Variants in CUL7 observed in about 807,000 individuals in gnomAD.
CUL7 encodes the protein cullin-7.
CUL7 carries 96 observed loss-of-function variants against 177.7 expected under a neutral mutation model. That is an observed-to-expected ratio of 0.54 (90% CI 0.46 to 0.64). The LOEUF is 0.64. Ranked by LOEUF, CUL7 falls within the 30% of genes least tolerant of loss-of-function variation. The pLI, the probability that CUL7 is intolerant of heterozygous loss-of-function variation, is 0.00. For missense variants in CUL7, 1,893 were observed against 2,187.9 expected, an observed-to-expected ratio of 0.87 and a Z score of 2.69; for synonymous variants, 824 against 890.2, an observed-to-expected ratio of 0.93 and a Z score of 1.32.
chr6:43,048,674 T>C, intron 7 of CUL7, 105 bp from the exon 8 acceptor site: 1 of 860,106 alleles, frequency 1.2e-6, no homozygotes, highest in East Asian at 2.7e-5. Context: ...TCCTAAAAAA[T>C]GTTTTAAATT....
intron 9 of CUL7, 98 bp downstream of exon 9, chr6:43,048,050 T>C: frequency 6.8e-6 from 5 of 739,106 alleles, no homozygotes; most frequent in Non-Finnish European, 1.2e-5. Flanking sequence ...GCTCAAAGGC[T>C]CTATCACGCC....
chr6:43,042,343 T>TTG (rs1763508628), intron 19 of CUL7, among the ~76,000 whole-genome samples: 1 of 152,138 alleles, frequency 6.6e-6, no homozygotes, highest in Non-Finnish European at 1.5e-5. Flanking sequence ...TTTTGTTTTT[T>TTG]TCTTTTTTTT....
chr6:43,052,864 C>G lies in CUL7; in HGVS notation c.-8-68G>C. On this transcript the variant is annotated intron_variant, in intron 1 of 25. Coordinates refer to ENST00000265348, the MANE Select transcript of CUL7 (RefSeq NM_014780.5). This position sits in a 1 kb window ranked among gnomAD's most constrained non-coding sequence, Gnocchi z 4.5. ...GAGAGGTCAGAAAATCAAAGATATC[C>G]AGGAGGTGGGGAAGCAAATGGCAAC... is the stretch of plus-strand genomic sequence containing the variant. 6.6e-7 allele frequency: 1 copy of G among 1,515,840 alleles called. No individual in the cohort carries two copies. The highest frequency in any genetic ancestry group is 8.9e-7 in the Non-Finnish European group (1 of 1,124,036). 93.9% of individuals were successfully genotyped at this position (1,515,840 alleles called of 1,614,324 possible).
chr6:43,040,208 C>G lies in CUL7; in HGVS notation c.4242G>C (p.Leu1414=). 2 of 1,614,192 alleles carry G rather than the reference C, an allele frequency of 1.2e-6. No individual in the cohort carries two copies. Among genetic ancestry groups the G allele is most frequent in the Non-Finnish European group, 1.7e-6 (2 of 1,180,040 alleles). The part of the protein sequence containing the change: ...ICHTLNPRTC[L]PSYLRGTLNR... ...TCAAAGTGCCCCTCAGGTAGGAGGG[C>G]AGGCAGGTTCTGGGGTTCAGTGTGT... The change falls in exon 22 of 26, where the codon CTG becomes CTC. Residue 1414 remains leucine, a synonymous_variant. Transcript: ENST00000265348. The surrounding 1 kb of genome is among the most constrained non-coding windows in gnomAD (Gnocchi z 4.2).
chr6:43,052,517 G>T lies in CUL7; in HGVS notation c.272C>A (p.Pro91His). 1 of 1,614,202 alleles carries T rather than the reference G, an allele frequency of 6.2e-7. No homozygotes were observed. Among genetic ancestry groups the T allele is most frequent in the African/African-American group, 1.3e-5 (1 of 75,060 alleles). ...AACCTCCCCTGCAGACTCCTGGGAG[G>T]GCCCGATGACCTGGCCATCCTCGCC... is the stretch of plus-strand genomic sequence containing the variant. The part of the protein sequence containing the change: ...MLGEDGQVIG[P>H]SQESAGEVGA... Residue 91 changes from proline (P) to histidine (H), a missense_variant, in exon 2 of 26, where the codon CCC (proline) becomes CAC (histidine). By Grantham distance (77) the Pro-to-His change is moderately conservative. Around this residue, in one of 5 missense-constraint regions of CUL7, gnomAD observed 653 missense variants for 725.2 expected, o/e 0.90. Coordinates refer to ENST00000265348, the MANE Select transcript of CUL7 (RefSeq NM_014780.5). This position sits in a 1 kb window ranked among gnomAD's most constrained non-coding sequence, Gnocchi z 4.5.
chr6:43,053,593 G>T lies in CUL7; in HGVS notation c.-9+29C>A. 1 of 1,325,060 alleles carries T rather than the reference G, an allele frequency of 7.5e-7. No homozygotes were observed. Among genetic ancestry groups the T allele is most frequent in the Non-Finnish European group, 9.7e-7 (1 of 1,032,078 alleles). The allele number at this position is 1,325,060 out of a possible 1,614,324, so 82.1% of individuals were successfully genotyped here. On this transcript the variant is annotated intron_variant, in intron 1 of 25. Coordinates refer to ENST00000265348, the MANE Select transcript of CUL7 (RefSeq NM_014780.5). The surrounding 1 kb of genome is among the most constrained non-coding windows in gnomAD (Gnocchi z 4.1). ...TGGGCTAGTGGGCAGGGAAGGAGAA[G>T]CAAGGGGCCGCGGTGGGGCTCTGGC...
Position 43,040,268 on chromosome 6 carries a change from C to G in CUL7, c.4182G>C (p.Leu1394=), listed in dbSNP as rs781412558. Residue 1394 remains leucine, a synonymous_variant, in exon 22 of 26, where the codon CTG becomes CTC. Transcript: ENST00000265348. The surrounding 1 kb of genome is among the most constrained non-coding windows in gnomAD (Gnocchi z 4.2). The part of the protein sequence containing the change: ...GAMPEVSVLV[L]SRHSWPVASI... ...AGGCAACAGGCCAGGAGTGTCGGGA[C>G]AGGACAAGCACAGACACTTCTGGCA... 4.3e-6 allele frequency: 7 copies of G among 1,614,174 alleles called. No individual in the cohort carries two copies. The South Asian group carries it at 5.5e-5, about 13-fold the overall frequency.
rs1225237436 is a variant in CUL7, at chr6:43,045,545, G to A, written c.2862+42C>T. 6.2e-7 allele frequency: 1 copy of A among 1,613,586 alleles called. No homozygotes were observed. Among genetic ancestry groups the A allele is most frequent in the Non-Finnish European group, 8.5e-7 (1 of 1,179,664 alleles). ...AAGATCTGCCTGTTTATGGGGCTCA[G>A]AGCCCCCTACCCAGGGCCACACCCC... On this transcript the variant is annotated intron_variant, in intron 14 of 25. Transcript: ENST00000265348. This position sits in a 1 kb window ranked among gnomAD's most constrained non-coding sequence, Gnocchi z 4.8.
chr6:43,053,763 C>T lies in CUL7; in HGVS notation c.-150G>A, dbSNP rs1764675367. 7.3e-6 allele frequency: 11 copies of T among 1,509,154 alleles called. No homozygotes were observed. The highest frequency in any genetic ancestry group is 4.4e-4 in the Middle Eastern group (2 of 4,524). The allele number at this position is 1,509,154 out of a possible 1,614,324, so 93.5% of individuals were successfully genotyped here. A position where few individuals can be genotyped will look rare whatever the true frequency, so the allele number is the denominator to read the frequency against. On this transcript the variant is annotated 5_prime_UTR_variant, in exon 1 of 26. Coordinates refer to ENST00000265348, the MANE Select transcript of CUL7 (RefSeq NM_014780.5). The surrounding 1 kb of genome is among the most constrained non-coding windows in gnomAD (Gnocchi z 4.1). ...AGAGACGGGAGGGGGCGTGCCTCCG[C>T]GGAACAGAGCTGCACCCGCGTGAGT...
In CUL7 at chr6:43,052,445, T is replaced by A. The variant is rs765083286; in HGVS notation, c.344A>T (p.Lys115Met). Reference protein sequence around the residue: ...SVLEEMETDVKSLIQRALRQL... With the variant: ...SVLEEMETDVMSLIQRALRQL... ...CCGAAGGGCTCTCTGAATGAGGGACTTCACGTCGGTTTCCATCTCCTCCAG... is the reference window on the plus strand; with the variant it reads ...CCGAAGGGCTCTCTGAATGAGGGACATCACGTCGGTTTCCATCTCCTCCAG... Residue 115 changes from lysine to methionine, a missense_variant, in exon 2 of 26, where the codon AAG (lysine) becomes ATG (methionine). Coordinates refer to ENST00000265348, the MANE Select transcript of CUL7 (RefSeq NM_014780.5). This position sits in a 1 kb window ranked among gnomAD's most constrained non-coding sequence, Gnocchi z 4.5. 1 of 1,614,100 alleles carries A rather than the reference T, an allele frequency of 6.2e-7. No individual in the cohort carries two copies.
At chr6:43,038,763 C>T in intron 23 of CUL7, 71 bp from the exon 24 acceptor site, 1 of 1,612,528 alleles carries the variant, frequency 6.2e-7, no homozygotes, top group South Asian at 1.1e-5. Flanking sequence ...AGGGAAGAAG[C>T]AGAGGGAGTC....
chr6:43,048,923 G>A (rs1314072156), intron 7 of CUL7, among the ~76,000 whole-genome samples: 2 of 151,574 alleles, frequency 1.3e-5, no homozygotes, highest in African/African-American at 4.8e-5. Flanking sequence ...CCACCACCAC[G>A]CCCGGCTAAT....
In CUL7 at chr6:43,051,339, C is replaced by A. The variant is rs764912055; in HGVS notation, c.862G>T (p.Glu288Ter). ...NTSAPEELSG[E>*]RGQLELEFSM... ...AACTCCAGCTCCAGTTGACCCCTCT[C>A]CCCACTCAACTCCTCAGGAGCAGAG... Residue 288 changes from glutamate (E) to a stop codon, truncating the protein, a stop_gained, in exon 4 of 26, where the codon GAG becomes TAG. Transcript: ENST00000265348. LOFTEE classifies it high-confidence loss of function. The surrounding 1 kb of genome is among the most constrained non-coding windows in gnomAD (Gnocchi z 5.0). 2 of 1,611,890 alleles carry A rather than the reference C, an allele frequency of 1.2e-6. No homozygotes were observed. The highest frequency in any genetic ancestry group is 1.7e-6 in the Non-Finnish European group (2 of 1,178,396).
rs1228870264 is a variant in CUL7, at chr6:43,047,046, A to T, written c.2231T>A (p.Val744Glu). The change falls in exon 10 of 26, where the codon GTG (valine) becomes GAG (glutamate). Residue 744 changes from valine to glutamate, a missense_variant. Val to Glu is a moderately radical substitution (Grantham distance 121). This residue lies in a region of CUL7 where 973 missense variants were observed against 1,140.9 expected (regional missense o/e 0.85). Transcript: ENST00000265348. ...RLTSVSRDYA[V>E]VLNQLGARDA... ...TCTTGCTCCCAGCTGATTCAGCACC[A>T]CGGCATAGTCCCTGCTCACTGAGGT... 6.2e-7 allele frequency: 1 copy of T among 1,613,594 alleles called. No individual in the cohort carries two copies. The highest frequency in any genetic ancestry group is 1.7e-5 in the Admixed American group (1 of 59,988).
chr6:43,048,476 T>A lies in CUL7; in HGVS notation c.1919A>T (p.Gln640Leu), dbSNP rs201586496. 1 of 1,614,094 alleles carries A rather than the reference T, an allele frequency of 6.2e-7. No homozygotes were observed. The highest frequency in any genetic ancestry group is 2.2e-5 in the East Asian group (1 of 44,872). The part of the protein sequence containing the change: ...PAGKILLDLE[Q>L]ALSSEGTQEN... ...CTGGGTCCCCTCTGAGCTGAGGGCT[T>A]GCTCTAGATCCAGGAGGATTTTCCC... is the stretch of plus-strand genomic sequence containing the variant. Residue 640 changes from glutamine (Q) to leucine (L), a missense_variant, in exon 8 of 26, where the codon CAA (glutamine) becomes CTA (leucine). Physicochemically the swap from Gln to Leu is moderately radical, Grantham distance 113. Around this residue, in one of 5 missense-constraint regions of CUL7, gnomAD observed 973 missense variants for 1,140.9 expected, o/e 0.85. Transcript: ENST00000265348.
intron 19 of CUL7, among the ~76,000 whole-genome samples, chr6:43,041,650 G>A (rs2150312384): frequency 6.7e-6 from 1 of 149,318 alleles, no homozygotes; most frequent in South Asian, 2.2e-4. Flanking sequence ...AAAGAAAGGA[G>A]AGGAAAAGAG....
In CUL7 at chr6:43,038,729, C is replaced by T. The variant is rs892011394; in HGVS notation, c.4441-37G>A. 5.6e-6 allele frequency: 9 copies of T among 1,613,310 alleles called. No individual in the cohort carries two copies. The African/African-American group carries it at 1.1e-4, about 19-fold the overall frequency. The stretch of plus-strand genomic sequence containing the variant: ...AGATGGGAGACATTCAGGGCCTCCC[C>T]AAGGAGTGGAGAGAAGAGGATGGAG... On this transcript the variant is annotated intron_variant, in intron 23 of 25. Transcript: ENST00000265348.
In CUL7 at chr6:43,051,402, G is replaced by C. The variant is rs962525867; in HGVS notation, c.799C>G (p.Leu267Val). Reference protein sequence around the residue: ...YLHVTSLLDQLNDSAAEPGAQ... With the variant: ...YLHVTSLLDQVNDSAAEPGAQ... ...CCTGGCTCCGCAGCACTGTCGTTCAGCTGATCCAGGAGCGAGGTGACATGC... is the reference window on the plus strand; with the variant it reads ...CCTGGCTCCGCAGCACTGTCGTTCACCTGATCCAGGAGCGAGGTGACATGC... The change falls in exon 4 of 26, where the codon CTG becomes GTG. Residue 267 changes from leucine (L) to valine (V), a missense_variant. Physicochemically the swap from Leu to Val is conservative, Grantham distance 32 (BLOSUM62 1). This residue lies in a region of CUL7 where 653 missense variants were observed against 725.2 expected (regional missense o/e 0.90). Coordinates refer to ENST00000265348, the MANE Select transcript of CUL7 (RefSeq NM_014780.5). The surrounding 1 kb of genome is among the most constrained non-coding windows in gnomAD (Gnocchi z 5.0). 2.5e-6 allele frequency: 4 copies of C among 1,614,130 alleles called. No individual in the cohort carries two copies. The highest frequency in any genetic ancestry group is 3.4e-6 in the Non-Finnish European group (4 of 1,180,028).
rs1764399924 is a variant in CUL7, at chr6:43,051,419, G to T, written c.782C>A (p.Thr261Asn). The T allele has an allele frequency of 6.2e-7, 1 of 1,614,074 alleles. No individual in the cohort carries two copies. The highest frequency in any genetic ancestry group is 8.5e-7 in the Non-Finnish European group (1 of 1,180,030). ...FSLVKRYLHV[T>N]SLLDQLNDSA... ...GTCGTTCAGCTGATCCAGGAGCGAG[G>T]TGACATGCAAATACCGCTTCACCAG... Residue 261 changes from threonine (T) to asparagine (N), a missense_variant, in exon 4 of 26, where the codon ACC (threonine) becomes AAC (asparagine). Thr to Asn is a moderately conservative substitution (Grantham distance 65). This residue lies in a region of CUL7 where 653 missense variants were observed against 725.2 expected (regional missense o/e 0.90). Transcript: ENST00000265348. This position sits in a 1 kb window ranked among gnomAD's most constrained non-coding sequence, Gnocchi z 5.0.
Sources: gnomAD v4.1 joint callset for allele counts (sites outside exome capture counted in the v4.1 genomes callset) on GRCh38, gnomAD v4.1.1 for gene constraint, gnomAD v4.1.1 regional missense constraint, Gnocchi (gnomAD v3.1) non-coding constraint, MANE v1.5 for transcripts, NCBI Gene and HGNC (gene_info 2026-07-23, HGNC 2026-07-21) for gene names.